PBX3: variants seen among roughly 807,000 people sequenced by gnomAD.
PBX3 encodes pre-B-cell leukemia transcription factor 3.
Under a neutral mutation model 48.5 loss-of-function variants are expected in PBX3, and 14 were observed. That is an observed-to-expected ratio of 0.29 (90% CI 0.19 to 0.45). The LOEUF is 0.45. Among genes scored for constraint, PBX3 ranks in the 20% least tolerant of loss-of-function variants. PBX3 has a pLI of 1.00. For missense variants in PBX3, 386 were observed against 546.7 expected (o/e 0.71, Z 2.93); for synonymous variants, 210 against 200.3 (o/e 1.05, Z -0.41).
In PBX3 at chr9:125,759,602, T is replaced by C. The variant is rs181261148; in HGVS notation, c.274+10979T>C. Among the ~76,000 whole-genome samples the C allele has an allele frequency of 6.4e-4, 98 of 152,330 alleles. No homozygotes were observed. The highest frequency in any genetic ancestry group is 1.1e-3 in the Non-Finnish European group (78 of 68,030). On this transcript the variant is annotated intron_variant, in intron 2 of 8. Coordinates refer to ENST00000373489, the MANE Select transcript of PBX3 (RefSeq NM_006195.6). The surrounding 1 kb of genome is among the most constrained non-coding windows in gnomAD (Gnocchi z 4.2). ...TATGAATATAGCTTCACAAAACAGA[T>C]GCTGTTTAAGAAAAGGGGGAACATA...
intron 2 of PBX3, among the ~76,000 whole-genome samples, chr9:125,786,842 A>G (rs1297859467): frequency 1.3e-5 from 2 of 151,514 alleles, no homozygotes; most frequent in Non-Finnish European, 2.9e-5. Context: ...CTCTCACCTC[A>G]GCCTCCTGAG....
At chr9:125,849,680 G>A (rs1033446219) in intron 2 of PBX3, among the ~76,000 whole-genome samples, 5 of 151,820 alleles carry the variant, frequency 3.3e-5, no homozygotes, top group Non-Finnish European at 5.9e-5. Context: ...ATCATGATGA[G>A]TCTTAGATTT....
chr9:125,806,775 A>G (rs1453837042), intron 2 of PBX3, among the ~76,000 whole-genome samples: 2 of 152,228 alleles, frequency 1.3e-5, no homozygotes, highest in East Asian at 3.8e-4. Flanking sequence ...GAATGAGATG[A>G]GCATTCATGT....
chr9:125,781,376 C>G (rs1837304712), intron 2 of PBX3, among the ~76,000 whole-genome samples: 1 of 151,774 alleles, frequency 6.6e-6, no homozygotes, highest in Admixed American at 6.6e-5. Flanking sequence ...GAAAACCAGT[C>G]AGGCGTGGTG....
At position 125,935,465 on chromosome 9, in the gene PBX3, G is replaced by A; in HGVS notation, c.708-7G>A. ...ACTGCAATTATTTTCTTTCACTCTT[G>A]TCATAGACGGAAAAGGCGTAACTTC... On this transcript the variant is annotated splice_polypyrimidine_tract_variant and splice_region_variant and intron_variant, in intron 4 of 8. Transcript: ENST00000373489. 6.2e-7 allele frequency: 1 copy of A among 1,613,024 alleles called. No homozygotes were observed. The highest frequency in any genetic ancestry group is 1.3e-5 in the African/African-American group (1 of 74,974).
At chr9:125,820,152 C>T (rs2132156072) in intron 2 of PBX3, among the ~76,000 whole-genome samples, 1 of 152,280 alleles carries the variant, frequency 6.6e-6, no homozygotes, top group Admixed American at 6.5e-5. Flanking sequence ...AAACAATTGA[C>T]CACACTGGAT....
intron 2 of PBX3, among the ~76,000 whole-genome samples, chr9:125,840,610 A>T (rs1839263652): frequency 6.6e-6 from 1 of 151,936 alleles, no homozygotes; most frequent in Non-Finnish European, 1.5e-5. Context: ...TCTCCTTGGT[A>T]CATTGACTGT....
At chr9:125,784,666 C>T (rs1274438093) in intron 2 of PBX3, among the ~76,000 whole-genome samples, 1 of 151,862 alleles carries the variant, frequency 6.6e-6, no homozygotes, top group Non-Finnish European at 1.5e-5. Flanking sequence ...ATAGGGATTT[C>T]CTTGAATGCC....
intron 2 of PBX3, among the ~76,000 whole-genome samples, chr9:125,911,142 A>G (rs1295699338): frequency 6.6e-6 from 1 of 152,106 alleles, no homozygotes; most frequent in Non-Finnish European, 1.5e-5. Flanking sequence ...ATTATATCCC[A>G]GTTTTCACAA....
chr9:125,847,330 A>C (rs1839452132), intron 2 of PBX3, among the ~76,000 whole-genome samples: 1 of 151,994 alleles, frequency 6.6e-6, no homozygotes. Context: ...TCTAGTTTGC[A>C]GCATTATTCC....
chr9:125,805,444 C>T (rs1439653911), intron 2 of PBX3, among the ~76,000 whole-genome samples: 2 of 152,040 alleles, frequency 1.3e-5, no homozygotes, highest in African/African-American at 2.4e-5. Context: ...CACATAGGCT[C>T]ATTTTTTAAA....
At chr9:125,926,514 T>C (rs1356170275) in intron 3 of PBX3, among the ~76,000 whole-genome samples, 6 of 148,136 alleles carry the variant, frequency 4.1e-5, no homozygotes, top group African/African-American at 1.5e-4. Context: ...AATGAAACTG[T>C]CTCAAAATAA....
intron 2 of PBX3, among the ~76,000 whole-genome samples, chr9:125,781,019 G>A (rs199794365): frequency 8.8e-6 from 1 of 113,490 alleles, no homozygotes; most frequent in Non-Finnish European, 1.7e-5. Context: ...GGGCAGAGAC[G>A]CTCCTCACTT....
At chr9:125,941,792 T>C (rs1475513721) in intron 5 of PBX3, among the ~76,000 whole-genome samples, 1 of 152,210 alleles carries the variant, frequency 6.6e-6, no homozygotes, top group South Asian at 2.1e-4. Flanking sequence ...GAGCAGATAT[T>C]AATTTACTTT....
intron 2 of PBX3, among the ~76,000 whole-genome samples, chr9:125,788,573 A>G (rs1471724665): frequency 6.6e-6 from 1 of 152,216 alleles, no homozygotes; most frequent in Non-Finnish European, 1.5e-5. Flanking sequence ...TTACAGATGT[A>G]ACTGAAAGCT....
chr9:125,824,849 G>T (rs532740886), intron 2 of PBX3, among the ~76,000 whole-genome samples: 53 of 152,198 alleles, frequency 3.5e-4, no homozygotes, highest in Non-Finnish European at 6.5e-4. Context: ...TTGACTGAAC[G>T]TTGACTGTTT....
intron 2 of PBX3, among the ~76,000 whole-genome samples, chr9:125,806,743 T>A (rs1447490280): frequency 6.6e-6 from 1 of 152,230 alleles, no homozygotes; most frequent in Non-Finnish European, 1.5e-5. Context: ...TAAGTTATTG[T>A]GAGCAGTTTG....
intron 2 of PBX3, among the ~76,000 whole-genome samples, chr9:125,902,631 A>G (rs1431458535): frequency 6.6e-6 from 1 of 151,784 alleles, no homozygotes; most frequent in Admixed American, 6.6e-5. Context: ...CAATATGAAT[A>G]GCTACCTTTT....
chr9:125,952,994 A>T (rs983515615), intron 5 of PBX3, among the ~76,000 whole-genome samples: 1 of 152,076 alleles, frequency 6.6e-6, no homozygotes, highest in African/African-American at 2.4e-5. Context: ...ACCAAAATAA[A>T]AAAAAAAAGA....
Sources: gnomAD v4.1 joint callset for allele counts (sites outside exome capture counted in the v4.1 genomes callset) on GRCh38, gnomAD v4.1.1 for gene constraint, Gnocchi (gnomAD v3.1) non-coding constraint, MANE v1.5 for transcripts, NCBI Gene and HGNC (gene_info 2026-07-23, HGNC 2026-07-21) for gene names.